Variants in GLIS3 observed in about 807,000 individuals in gnomAD.
GLIS3 encodes zinc finger protein GLIS3.
Under a neutral mutation model 78.6 loss-of-function variants are expected in GLIS3, and 53 were observed. That is an observed-to-expected ratio of 0.67 (90% CI 0.54 to 0.85). GLIS3 has a LOEUF of 0.85. GLIS3 is among the 40% of genes least tolerant of loss of function. The pLI is 0.00. For missense variants in GLIS3, 1,703 were observed against 1,231.1 expected, an observed-to-expected ratio of 1.38 and a Z score of -5.74; for synonymous variants, 684 against 509.9, an observed-to-expected ratio of 1.34 and a Z score of -4.60.
chr9:4,031,272 T>G (rs1823810484), intron 4 of GLIS3, among the ~76,000 whole-genome samples: 1 of 152,108 alleles, frequency 6.6e-6, no homozygotes, highest in Admixed American at 6.6e-5. Context: ...AAACAAAATG[T>G]GACATGTACA....
intron 4 of GLIS3, among the ~76,000 whole-genome samples, chr9:4,076,662 T>C (rs900464776): frequency 6.6e-6 from 1 of 152,220 alleles, no homozygotes; most frequent in East Asian, 1.9e-4. Flanking sequence ...TCTTTAAAAA[T>C]GTGAATTTAA....
chr9:3,921,162 G>A (rs924772197), intron 6 of GLIS3, among the ~76,000 whole-genome samples: 10 of 152,158 alleles, frequency 6.6e-5, no homozygotes, highest in Non-Finnish European at 5.9e-5. Context: ...AGCTGCCTGC[G>A]ATGTGTATCT....
At chr9:4,141,864 A>G (rs1167015582) in intron 2 of GLIS3, among the ~76,000 whole-genome samples, 1 of 152,254 alleles carries the variant, frequency 6.6e-6, no homozygotes, top group African/African-American at 2.4e-5. Context: ...TGAGGCCTAC[A>G]TAATGTAATT....
At chr9:4,124,310 C>T (rs562930679) in intron 3 of GLIS3, among the ~76,000 whole-genome samples, 67 of 152,112 alleles carry the variant, frequency 4.4e-4, no homozygotes, top group Middle Eastern at 3.2e-3. Context: ...ATCAAATATG[C>T]CAGAAAACAA....
chr9:4,329,123 C>G (rs1201936001), intron 2 of GLIS3, among the ~76,000 whole-genome samples: 1 of 152,172 alleles, frequency 6.6e-6, no homozygotes, highest in East Asian at 1.9e-4. Context: ...ATACTGCCGA[C>G]TTGGGCAGCT....
chr9:4,179,961 G>T (rs1367779061), intron 2 of GLIS3, among the ~76,000 whole-genome samples: 7 of 151,880 alleles, frequency 4.6e-5, no homozygotes, highest in Non-Finnish European at 8.8e-5. Context: ...TTATGAAAAA[G>T]TAGGCTGGAA....
chr9:4,015,687 A>G (rs1489225941), intron 4 of GLIS3, among the ~76,000 whole-genome samples: 3 of 152,124 alleles, frequency 2.0e-5, no homozygotes, highest in Non-Finnish European at 4.4e-5. Context: ...CAGGAGTCTG[A>G]GACCAGCCTG....
intron 2 of GLIS3, among the ~76,000 whole-genome samples, chr9:4,137,947 A>G (rs921478160): frequency 3.3e-5 from 5 of 152,242 alleles, no homozygotes; most frequent in African/African-American, 1.2e-4. Context: ...TTGTTAACTA[A>G]GCAAACAAGT....
intron 2 of GLIS3, among the ~76,000 whole-genome samples, chr9:4,159,151 C>G (rs971813171): frequency 9.2e-5 from 14 of 151,634 alleles, no homozygotes; most frequent in African/African-American, 3.4e-4. Flanking sequence ...TCCTTGAGAA[C>G]AGGGCCTGTA....
At chr9:3,886,883 T>C (rs530865482) in intron 7 of GLIS3, among the ~76,000 whole-genome samples, 2 of 152,328 alleles carry the variant, frequency 1.3e-5, no homozygotes, top group East Asian at 3.9e-4. Context: ...CAGCTAATCT[T>C]AGCCTTGCTG....
intron 4 of GLIS3, among the ~76,000 whole-genome samples, chr9:4,066,492 C>T (rs527439670): frequency 3.9e-5 from 6 of 152,348 alleles, no homozygotes; most frequent in African/African-American, 1.2e-4. Context: ...GCCACTGCTG[C>T]TGCAACCCCA....
intron 6 of GLIS3, among the ~76,000 whole-genome samples, chr9:3,925,850 G>A (rs758541352): frequency 2.6e-5 from 4 of 152,164 alleles, no homozygotes; most frequent in African/African-American, 4.8e-5. Context: ...CCAGAAATAT[G>A]CCCTCGGAAC....
the GLIS3 span, among the ~76,000 whole-genome samples, chr9:4,449,695 G>C: frequency 7.9e-5 from 12 of 152,298 alleles, no homozygotes; most frequent in East Asian, 7.7e-4. Flanking sequence ...GTGATACCTA[G>C]GCAAGAGGGT....
intron 2 of GLIS3, among the ~76,000 whole-genome samples, chr9:4,197,350 C>A (rs1171118152): frequency 6.6e-6 from 1 of 152,174 alleles, no homozygotes; most frequent in African/African-American, 2.4e-5. Flanking sequence ...GCCCTACCCT[C>A]CTTGTGTAGA....
At chr9:4,393,325 T>C in the GLIS3 span, among the ~76,000 whole-genome samples, 1 of 152,212 alleles carries the variant, frequency 6.6e-6, no homozygotes, top group African/African-American at 2.4e-5. Flanking sequence ...TTGGAGACAC[T>C]ATGCCCCTTA....
At chr9:4,000,161 C>T (rs1821033545) in intron 4 of GLIS3, among the ~76,000 whole-genome samples, 1 of 151,974 alleles carries the variant, frequency 6.6e-6, no homozygotes, top group African/African-American at 2.4e-5. Context: ...ATCAATGATC[C>T]ATACGTAGAT....
chr9:4,471,018 G>C, the GLIS3 span, among the ~76,000 whole-genome samples: 1 of 151,202 alleles, frequency 6.6e-6, no homozygotes, highest in African/African-American at 2.4e-5. Flanking sequence ...GCTTCAAAGA[G>C]AATAAAATAC....
Position 4,109,495 on chromosome 9 carries a change from T to C in GLIS3, c.1710+8273A>G, listed in dbSNP as rs571483755. 2.0e-5 allele frequency among the ~76,000 whole-genome samples: 3 copies of C among 152,318 alleles called. No individual in the cohort carries two copies. The South Asian group carries it at 6.2e-4, about 32-fold the overall frequency. On this transcript the variant is annotated intron_variant, in intron 4 of 10. Coordinates refer to ENST00000381971, the MANE Select transcript of GLIS3 (RefSeq NM_001042413.2). ...TCACTTGGCATAAGATAAATGTGTG[T>C]TTCATATGATAGCTGCCAAGAGATA... is the stretch of plus-strand genomic sequence containing the variant.
At chr9:4,439,881 C>T in the GLIS3 span, among the ~76,000 whole-genome samples, 3 of 152,278 alleles carry the variant, frequency 2.0e-5, no homozygotes, top group Middle Eastern at 3.4e-3. Flanking sequence ...AAAGGTTTCA[C>T]CCTGTTGCCC....
Sources: allele counts gnomAD v4.1 joint callset (sites outside exome capture counted in the v4.1 genomes callset), GRCh38; gene constraint gnomAD v4.1.1; transcripts MANE v1.5; gene names NCBI Gene and HGNC (gene_info 2026-07-23, HGNC 2026-07-21).